Variants in SHANK1 observed in about 807,000 individuals in gnomAD.
The protein encoded by SHANK1 is SH3 and multiple ankyrin repeat domains 1.
In SHANK1, 35 loss-of-function variants were observed where a neutral mutation model predicts 165.6. The ratio of observed to expected loss-of-function variants is 0.21; its 90% CI spans 0.16 to 0.28. The LOEUF (loss-of-function observed/expected upper bound fraction) is 0.28, where lower values mean the gene tolerates loss of function less well. Among genes scored for constraint, SHANK1 ranks in the 10% least tolerant of loss-of-function variants. The pLI is 1.00. For missense variants in SHANK1, 2,681 were observed against 3,036.4 expected (o/e 0.88, Z 2.75); for synonymous variants, 1,428 against 1,384.8 (o/e 1.03, Z -0.69).
In SHANK1 at chr19:50,686,768, G is replaced by C; in HGVS notation, c.2434C>G (p.Arg812Gly). 2 of 1,613,804 alleles carry C rather than the reference G, an allele frequency of 1.2e-6. No individual in the cohort carries two copies. Among genetic ancestry groups the C allele is most frequent in the Non-Finnish European group, 1.7e-6 (2 of 1,179,802 alleles). ...CTGAGAGCCATCTGATACACGGTCC[G>C]CTTTTTCTCCATGCTGGGCACCGGC... ...PAPVPSMEKK[R>G]TVYQMALNKL... Residue 812 changes from arginine (R) to glycine (G), a missense_variant, in exon 20 of 24, where the codon CGG becomes GGG. By Grantham distance (125) the Arg-to-Gly change is moderately radical. This residue lies in a region of SHANK1 where 206 missense variants were observed against 216.0 expected (regional missense o/e 0.95). Coordinates refer to ENST00000293441, the MANE Select transcript of SHANK1 (RefSeq NM_016148.5). The surrounding 1 kb of genome is among the most constrained non-coding windows in gnomAD (Gnocchi z 5.7).
In SHANK1 at chr19:50,668,987, C is replaced by A. The variant is rs1306796482; in HGVS notation, c.2973G>T (p.Gly991=). ...GSREKSLYHS[G]PLPPAHHHPP... is the part of the protein sequence containing the mutation. ...GGTGGTGGTGGGCCGGGGGCAGGGG[C>A]CCACTGTGGTACAGGCTCTTCTCGC... Residue 991 remains glycine, a synonymous_variant, in exon 23 of 24, where the codon GGG becomes GGT. Coordinates refer to ENST00000293441, the MANE Select transcript of SHANK1 (RefSeq NM_016148.5). 2 of 705,576 alleles carry A rather than the reference C, an allele frequency of 2.8e-6. No homozygotes were observed. Among genetic ancestry groups the A allele is most frequent in the Non-Finnish European group, 2.2e-6 (1 of 453,296 alleles). 43.7% of individuals were successfully genotyped at this position (705,576 alleles called of 1,614,324 possible).
intron 12 of SHANK1, among the ~76,000 whole-genome samples, chr19:50,701,750 C>T (rs373728155): frequency 1.3e-5 from 2 of 152,112 alleles, no homozygotes; most frequent in Non-Finnish European, 2.9e-5. Flanking sequence ...TCCAATGCCT[C>T]GTATTAACGG....
chr19:50,694,134 G>A (rs987219223), intron 15 of SHANK1, among the ~76,000 whole-genome samples: 1 of 151,742 alleles, frequency 6.6e-6, no homozygotes, highest in Admixed American at 6.6e-5. Context: ...CACACAGATG[G>A]ACACAGTTGG....
In SHANK1 at chr19:50,702,363, T is replaced by G. The variant is rs1024626356; in HGVS notation, c.1747+104A>C. 310 of 996,716 alleles carry G rather than the reference T, an allele frequency of 3.1e-4. No individual in the cohort carries two copies. The highest frequency in any genetic ancestry group is 4.0e-4 in the Non-Finnish European group (275 of 689,556). 61.7% of individuals were successfully genotyped at this position (996,716 alleles called of 1,614,324 possible). ...GGCTCTCTGAGGTCTCCAGAGTGCA[T>G]GAGATACTCCAGGTGCCCGAGAATG... On this transcript the variant is annotated intron_variant, in intron 12 of 23. Coordinates refer to ENST00000293441, the MANE Select transcript of SHANK1 (RefSeq NM_016148.5). This position sits in a 1 kb window ranked among gnomAD's most constrained non-coding sequence, Gnocchi z 5.3.
rs186537978 is a variant in SHANK1, at chr19:50,702,900, G to A, written c.1554-240C>T. On this transcript the variant is annotated intron_variant, in intron 11 of 23. Transcript: ENST00000293441. The surrounding 1 kb of genome is among the most constrained non-coding windows in gnomAD (Gnocchi z 5.3). ...GCTCTGCCCCCTCCCACGGTCCTGC[G>A]CGCACCGCCTGATTCAGCTTCCTGA... is the stretch of plus-strand genomic sequence containing the variant. Among the ~76,000 whole-genome samples, 196 of 151,790 alleles carry A rather than the reference G, an allele frequency of 1.3e-3. No individual in the cohort carries two copies. The highest frequency in any genetic ancestry group is 4.4e-3 in the African/African-American group (183 of 41,344).
At chr19:50,685,494 C>T (rs1394639767) in intron 21 of SHANK1, among the ~76,000 whole-genome samples, 7 of 152,160 alleles carry the variant, frequency 4.6e-5, no homozygotes, top group African/African-American at 1.7e-4. Flanking sequence ...AGGGCTGAGG[C>T]GGGCAGATCA....
intron 21 of SHANK1, among the ~76,000 whole-genome samples, chr19:50,683,459 C>A (rs1338504856): frequency 6.6e-6 from 1 of 152,144 alleles, no homozygotes; most frequent in Non-Finnish European, 1.5e-5. Context: ...TCATTCACAT[C>A]CAACTCCTGG....
chr19:50,666,518 A>AC lies in SHANK1; in HGVS notation c.5441dup (p.Pro1815SerfsTer59). On this transcript the variant is annotated frameshift_variant, in exon 23 of 24. Transcript: ENST00000293441. LOFTEE classifies it high-confidence loss of function. ...GGACTTCTGGCTCTACAGCCACCGG[A>AC]CCCCCCGCCACGCCTGCCGTGGGGG... 1 of 1,573,794 alleles carries AC rather than the reference A, an allele frequency of 6.4e-7. No individual in the cohort carries two copies.
At position 50,697,868 on chromosome 19, in the gene SHANK1, C is replaced by A. The variant is rs368461945; in HGVS notation, c.1836G>T (p.Ala612=). The change falls in exon 13 of 24, where the codon GCG becomes GCT. Residue 612 remains alanine (A), a synonymous_variant. Transcript: ENST00000293441. This position sits in a 1 kb window ranked among gnomAD's most constrained non-coding sequence, Gnocchi z 4.7. ...WFPSDCLEEV[A]NRSQESKQES... is the part of the protein sequence containing the mutation. The stretch of plus-strand genomic sequence containing the variant: ...CTTGCTTGCTCTCCTGAGAGCGATT[C>A]GCCACTTCTTCCAGGCAGTCAGAGG... 3.7e-5 allele frequency: 59 copies of A among 1,613,948 alleles called. No individual in the cohort carries two copies. In the South Asian group the frequency reaches 6.0e-4, roughly 17 times the overall value.
intron 15 of SHANK1, among the ~76,000 whole-genome samples, chr19:50,689,802 T>C (rs1986485836): frequency 6.6e-6 from 1 of 152,182 alleles, no homozygotes; most frequent in Admixed American, 6.5e-5. Flanking sequence ...ATCTGCTCGA[T>C]GTCCTTAGGT....
At chr19:50,712,220 G>A in intron 6 of SHANK1, 106 bp from the exon 7 acceptor site, 1 of 1,193,390 alleles carries the variant, frequency 8.4e-7, no homozygotes, top group Non-Finnish European at 1.2e-6. Context: ...GTGACCTACA[G>A]TGGCCAATGA....
rs1458707278 is a variant in SHANK1, at chr19:50,702,178, G to A, written c.1747+289C>T. Among the ~76,000 whole-genome samples, 1 of 151,918 alleles carries A rather than the reference G, an allele frequency of 6.6e-6. No homozygotes were observed. The highest frequency in any genetic ancestry group is 2.4e-5 in the African/African-American group (1 of 41,316). ...GCCCATGACCTCCCTCCCCAGAAAG[G>A]GCCATCAGGAGTCTAATGAGACGAT... On this transcript the variant is annotated intron_variant, in intron 12 of 23. Transcript: ENST00000293441. The surrounding 1 kb of genome is among the most constrained non-coding windows in gnomAD (Gnocchi z 5.3).
chr19:50,712,881 A>G (rs2089024008), intron 6 of SHANK1, among the ~76,000 whole-genome samples: 1 of 152,148 alleles, frequency 6.6e-6, no homozygotes, highest in Non-Finnish European at 1.5e-5. Context: ...ATTCTATTTA[A>G]TTTAAATTTA....
rs147607664 is a variant in SHANK1, at chr19:50,676,776, C to T, written c.2578-4662G>A. Among the ~76,000 whole-genome samples, 268 of 152,200 alleles carry T rather than the reference C, an allele frequency of 1.8e-3. 1 individual carries two copies. Among genetic ancestry groups the T allele is most frequent in the African/African-American group, 6.2e-3 (258 of 41,508 alleles). ...AGAAAATGCCAATCTTATTTGGCAC[C>T]TTTTGAGAGACTACACTTCCCAGCT... On this transcript the variant is annotated intron_variant, in intron 21 of 23. Coordinates refer to ENST00000293441, the MANE Select transcript of SHANK1 (RefSeq NM_016148.5).
At chr19:50,674,856 G>A (rs1211712766) in intron 21 of SHANK1, among the ~76,000 whole-genome samples, 1 of 152,118 alleles carries the variant, frequency 6.6e-6, no homozygotes, top group African/African-American at 2.4e-5. Context: ...GAGGTCAGGA[G>A]TTCGAAACCA....
intron 15 of SHANK1, among the ~76,000 whole-genome samples, chr19:50,695,439 G>A (rs1351340640): frequency 2.7e-5 from 4 of 150,652 alleles, no homozygotes; most frequent in East Asian, 3.9e-4. Flanking sequence ...GGGAACGCGG[G>A]GGCCCCCTTG....
intron 22 of SHANK1, 46 bp from the exon 23 acceptor site, chr19:50,669,331 G>T: frequency 2.3e-6 from 3 of 1,321,402 alleles, no homozygotes; most frequent in Non-Finnish European, 3.2e-6. Context: ...GGCGGGGAGG[G>T]TCTCCCTGCT....
chr19:50,671,701 T>A (rs545339253), intron 22 of SHANK1, among the ~76,000 whole-genome samples: 39 of 151,946 alleles, frequency 2.6e-4, no homozygotes, highest in South Asian at 4.2e-4. Context: ...AATGAATGAA[T>A]GGATGGAATC....
chr19:50,710,987 C>T lies in SHANK1; in HGVS notation c.1077+384G>A, dbSNP rs191545579. The T allele has an allele frequency of 6.9e-3, 1,228 of 178,350 alleles. 9 individuals carry two copies. The highest frequency in any genetic ancestry group is 0.011 in the Non-Finnish European group (910 of 84,802). 11.0% of individuals were successfully genotyped at this position (178,350 alleles called of 1,614,324 possible). A position where few individuals can be genotyped will look rare whatever the true frequency, so the allele number is the denominator to read the frequency against. On this transcript the variant is annotated intron_variant, in intron 8 of 23. Transcript: ENST00000293441. ...ACCTCCTCCAGGAAGCCACCTTCAC[C>T]CCCAGCCACTCCATCCCAAGCCCAG...
Sources: allele counts gnomAD v4.1 joint callset (sites outside exome capture counted in the v4.1 genomes callset), GRCh38; gene constraint gnomAD v4.1.1; regional missense constraint gnomAD v4.1.1; non-coding constraint Gnocchi (gnomAD v3.1); transcripts MANE v1.5; gene names NCBI Gene and HGNC (gene_info 2026-07-23, HGNC 2026-07-21).